CACNA2D3: variants seen among roughly 807,000 people sequenced by gnomAD.
CACNA2D3 encodes calcium voltage-gated channel auxiliary subunit alpha2delta 3.
In CACNA2D3, 60 loss-of-function variants were observed where a neutral mutation model predicts 160.6. The ratio of observed to expected loss-of-function variants is 0.37; its 90% confidence interval spans 0.30 to 0.46. CACNA2D3 has a LOEUF of 0.46. Among genes scored for constraint, CACNA2D3 ranks in the 20% least tolerant of loss-of-function variants. CACNA2D3 has a pLI of 1.00. For missense variants in CACNA2D3, 1,205 were observed against 1,365.0 expected (o/e 0.88, Z 1.85); for synonymous variants, 558 against 492.9 (o/e 1.13, Z -1.75).
intron 2 of CACNA2D3, among the ~76,000 whole-genome samples, chr3:54,152,283 T>G (rs1700166875): frequency 1.3e-5 from 2 of 152,374 alleles, no homozygotes; most frequent in Admixed American, 6.5e-5. Flanking sequence ...TTGAGTGCGC[T>G]ACACGCCACA....
chr3:54,679,542 C>T (rs1049883284), intron 11 of CACNA2D3, among the ~76,000 whole-genome samples: 5 of 152,140 alleles, frequency 3.3e-5, no homozygotes, highest in Admixed American at 1.3e-4. Context: ...TGGTAGGCCT[C>T]CATTCTTTGT....
chr3:54,922,703 G>A (rs1397879108), intron 27 of CACNA2D3, among the ~76,000 whole-genome samples: 2 of 151,926 alleles, frequency 1.3e-5, no homozygotes, highest in Non-Finnish European at 2.9e-5. Flanking sequence ...CTGAGCTTCG[G>A]GCTTAAATAT....
intron 27 of CACNA2D3, among the ~76,000 whole-genome samples, chr3:54,922,399 T>G (rs1403121059): frequency 2.0e-5 from 3 of 152,054 alleles, no homozygotes; most frequent in Non-Finnish European, 4.4e-5. Flanking sequence ...TGCTTACAAT[T>G]TAATCCACAA....
intron 9 of CACNA2D3, chr3:54,626,700 A>T: frequency 1.3e-6 from 1 of 740,864 alleles, no homozygotes; most frequent in Non-Finnish European, 2.3e-6. Flanking sequence ...AAAAAAAAAA[A>T]AAAAAAAAAG....
intron 31 of CACNA2D3, among the ~76,000 whole-genome samples, chr3:54,993,003 G>A (rs1395840343): frequency 2.6e-5 from 4 of 152,022 alleles, no homozygotes; most frequent in Admixed American, 1.3e-4. Context: ...TTAAAACAAC[G>A]AGATCTCGTG....
intron 11 of CACNA2D3, among the ~76,000 whole-genome samples, chr3:54,682,108 T>C (rs1330205048): frequency 6.6e-6 from 1 of 151,984 alleles, no homozygotes; most frequent in African/African-American, 2.4e-5. Flanking sequence ...GTGTGATGTT[T>C]ATACTGCATT....
intron 27 of CACNA2D3, among the ~76,000 whole-genome samples, chr3:54,943,576 T>A (rs9860648): frequency 0.18 from 26,946 of 152,180 alleles, 2,825 homozygotes; most frequent in African/African-American, 0.29. Flanking sequence ...CTTTTTTATG[T>A]TATTTTTCCC....
chr3:54,321,843 T>A (rs189996683), intron 3 of CACNA2D3, among the ~76,000 whole-genome samples: 182 of 151,386 alleles, frequency 1.2e-3, no homozygotes, highest in African/African-American at 4.0e-3. Context: ...TGAAAGCATT[T>A]CTGTCCAGAT....
chr3:54,597,267 A>C (rs1702972015), intron 9 of CACNA2D3, among the ~76,000 whole-genome samples: 1 of 150,768 alleles, frequency 6.6e-6, no homozygotes, highest in South Asian at 2.1e-4. Context: ...ACCCTTTCCC[A>C]CCTCCTTAGG....
intron 11 of CACNA2D3, among the ~76,000 whole-genome samples, chr3:54,656,297 G>A (rs893631575): frequency 3.9e-5 from 6 of 152,168 alleles, no homozygotes; most frequent in African/African-American, 1.4e-4. Context: ...TCACTCCCTT[G>A]GCAAAACTCT....
intron 27 of CACNA2D3, among the ~76,000 whole-genome samples, chr3:54,925,847 A>C (rs1235566253): frequency 6.6e-6 from 1 of 152,242 alleles, no homozygotes; most frequent in African/African-American, 2.4e-5. Flanking sequence ...GGGCAGATCT[A>C]AAGCGCTGCT....
At chr3:54,596,017 T>C (rs937363984) in intron 9 of CACNA2D3, among the ~76,000 whole-genome samples, 4 of 152,114 alleles carry the variant, frequency 2.6e-5, no homozygotes, top group Non-Finnish European at 4.4e-5. Flanking sequence ...CTATTAACTA[T>C]GAAGGGAAAG....
At chr3:54,738,876 G>A (rs1334661773) in intron 11 of CACNA2D3, among the ~76,000 whole-genome samples, 1 of 152,178 alleles carries the variant, frequency 6.6e-6, no homozygotes, top group Non-Finnish European at 1.5e-5. Flanking sequence ...TTGGGGCTGG[G>A]CATGGTGGCT....
At chr3:54,687,210 G>T (rs1323022118) in intron 11 of CACNA2D3, among the ~76,000 whole-genome samples, 1 of 141,730 alleles carries the variant, frequency 7.1e-6, no homozygotes, top group Non-Finnish European at 1.5e-5. Context: ...GTGCCATCTC[G>T]GCTCACTGCA....
intron 13 of CACNA2D3, among the ~76,000 whole-genome samples, chr3:54,811,156 T>A (rs367939134): frequency 2.0e-5 from 3 of 152,218 alleles, no homozygotes; most frequent in African/African-American, 7.2e-5. Context: ...CTGCCTACCC[T>A]ACACCTCTGC....
Position 55,033,832 on chromosome 3 carries a change from AT to A in CACNA2D3, c.2987+15516del, listed in dbSNP as rs1470103208. Reference sequence around the variant, plus strand: ...GTATTATATATTAAATATATTTAATATATAATATATATTACATATTAAATAT... The same window carrying A: ...GTATTATATATTAAATATATTTAATAATAATATATATTACATATTAAATAT... On this transcript the variant is annotated intron_variant, in intron 35 of 37. Transcript: ENST00000474759. 6.1e-3 allele frequency among the ~76,000 whole-genome samples: 713 copies of A among 116,836 alleles called. 54 individuals carry two copies. Among genetic ancestry groups the A allele is most frequent in the African/African-American group, 0.024 (686 of 28,384 alleles). 76.6% of individuals were successfully genotyped at this position (116,836 alleles called of 152,430 possible). A position where few individuals can be genotyped will look rare whatever the true frequency, so the allele number is the denominator to read the frequency against.
intron 24 of CACNA2D3, among the ~76,000 whole-genome samples, chr3:54,890,296 A>G (rs1700027227): frequency 6.6e-6 from 1 of 152,086 alleles, no homozygotes; most frequent in Non-Finnish European, 1.5e-5. Context: ...GGAGATCGAG[A>G]CCATCCTGGC....
chr3:54,324,999 AT>A (rs1204306940), intron 3 of CACNA2D3, among the ~76,000 whole-genome samples: 1 of 152,122 alleles, frequency 6.6e-6, no homozygotes, highest in Non-Finnish European at 1.5e-5. Context: ...ATGTACCCTG[AT>A]TTGAGGGGAG....
chr3:54,668,529 C>T (rs188814182), intron 11 of CACNA2D3, among the ~76,000 whole-genome samples: 11 of 152,346 alleles, frequency 7.2e-5, no homozygotes, highest in Non-Finnish European at 1.3e-4. Flanking sequence ...AGGCTTATTG[C>T]TCAGGTGTGG....
Sources: gnomAD v4.1 joint callset for allele counts (sites outside exome capture counted in the v4.1 genomes callset) on GRCh38, gnomAD v4.1.1 for gene constraint, MANE v1.5 for transcripts, NCBI Gene and HGNC (gene_info 2026-07-23, HGNC 2026-07-21) for gene names.